The following DLG2 variants were observed in gnomAD, a reference collection of about 807,000 sequenced individuals.
The protein encoded by DLG2 is discs large MAGUK scaffold protein 2.
A neutral mutation model predicts 132.5 loss-of-function variants in DLG2; 45 were observed. The observed-to-expected ratio is 0.34, with a 90% confidence interval of 0.27 to 0.44. The LOEUF is 0.44. DLG2 is among the 20% of genes least tolerant of loss of function. DLG2 has a pLI of 1.00. For synonymous variants in DLG2, 424 were observed against 419.6 expected (o/e 1.01, Z -0.13); for missense variants, 1,045 against 1,196.9 (o/e 0.87, Z 1.87).
chr11:83,878,152 G>T (rs2154071307), intron 15 of DLG2, among the ~76,000 whole-genome samples: 1 of 152,118 alleles, frequency 6.6e-6, no homozygotes, highest in Non-Finnish European at 1.5e-5. Context: ...TAGCACCCAG[G>T]GCTATGAATC....
At chr11:83,573,689 T>C (rs1024429464) in intron 19 of DLG2, among the ~76,000 whole-genome samples, 1 of 152,176 alleles carries the variant, frequency 6.6e-6, no homozygotes, top group African/African-American at 2.4e-5. Flanking sequence ...TATTTTCATT[T>C]TAGCATCACC....
chr11:83,668,415 G>C (rs905494883), intron 18 of DLG2, among the ~76,000 whole-genome samples: 3 of 152,106 alleles, frequency 2.0e-5, no homozygotes, highest in Non-Finnish European at 4.4e-5. Flanking sequence ...CCATACTTTT[G>C]TATAGGCTGC....
At chr11:84,644,198 T>G (rs1358069707) in intron 6 of DLG2, among the ~76,000 whole-genome samples, 2 of 152,166 alleles carry the variant, frequency 1.3e-5, no homozygotes, top group Admixed American at 1.3e-4. Context: ...CATCTATGTA[T>G]TCTAAGCCTA....
intron 6 of DLG2, among the ~76,000 whole-genome samples, chr11:84,609,145 T>G (rs2099590916): frequency 6.6e-6 from 1 of 152,168 alleles, no homozygotes; most frequent in South Asian, 2.1e-4. Context: ...TTGGAGTGGT[T>G]TAGAATGCTG....
At chr11:83,528,299 A>G (rs2095656718) in intron 21 of DLG2, among the ~76,000 whole-genome samples, 2 of 152,184 alleles carry the variant, frequency 1.3e-5, no homozygotes, top group Non-Finnish European at 2.9e-5. Flanking sequence ...AGATTTCTTC[A>G]TGTATACTTT....
At chr11:84,138,754 G>A (rs777611604) in intron 9 of DLG2, among the ~76,000 whole-genome samples, 1 of 152,064 alleles carries the variant, frequency 6.6e-6, no homozygotes, top group Non-Finnish European at 1.5e-5. Context: ...TTCGAGATGA[G>A]CCTGGCCAAC....
intron 7 of DLG2, among the ~76,000 whole-genome samples, chr11:84,298,852 A>G (rs1344824947): frequency 1.3e-5 from 2 of 152,230 alleles, no homozygotes; most frequent in African/African-American, 4.8e-5. Context: ...AACAGTGAAT[A>G]GTTGGGTGTG....
At chr11:85,105,832 T>C (rs551106547) in intron 6 of DLG2, among the ~76,000 whole-genome samples, 1 of 152,018 alleles carries the variant, frequency 6.6e-6, no homozygotes, top group Admixed American at 6.6e-5. Context: ...GCTGCCTTCA[T>C]AGAAGCTCTG....
chr11:83,482,302 A>G (rs1489186303), intron 22 of DLG2, among the ~76,000 whole-genome samples: 2 of 152,142 alleles, frequency 1.3e-5, no homozygotes, highest in African/African-American at 2.4e-5. Flanking sequence ...AACAGCTTCT[A>G]AAAATATTGC....
intron 17 of DLG2, among the ~76,000 whole-genome samples, chr11:83,808,082 GC>G (rs1004409221): frequency 2.6e-5 from 4 of 152,062 alleles, no homozygotes; most frequent in Admixed American, 2.0e-4. Context: ...GCAGCCTCGT[GC>G]CGGTCATCAC....
intron 21 of DLG2, among the ~76,000 whole-genome samples, chr11:83,518,010 A>C (rs1415450730): frequency 6.6e-6 from 1 of 152,166 alleles, no homozygotes; most frequent in Non-Finnish European, 1.5e-5. Flanking sequence ...CTCAGATCTC[A>C]AGGTGCATGC....
intron 9 of DLG2, among the ~76,000 whole-genome samples, chr11:84,142,334 A>G (rs966006520): frequency 2.0e-5 from 3 of 151,850 alleles, no homozygotes; most frequent in African/African-American, 7.3e-5. Context: ...AAAAAAAAAA[A>G]AAAAGAAAAG....
At chr11:83,508,253 T>G (rs1040344428) in intron 21 of DLG2, among the ~76,000 whole-genome samples, 1 of 151,618 alleles carries the variant, frequency 6.6e-6, no homozygotes, top group Non-Finnish European at 1.5e-5. Flanking sequence ...ATCTTTTTTT[T>G]TTTTTTTGAG....
intron 6 of DLG2, among the ~76,000 whole-genome samples, chr11:84,675,972 C>G (rs1238775730): frequency 6.6e-6 from 1 of 151,914 alleles, no homozygotes; most frequent in Non-Finnish European, 1.5e-5. Context: ...TGGGTTTTTT[C>G]TCTATCCAGA....
chr11:83,921,300 C>T (rs1480588751), intron 15 of DLG2, among the ~76,000 whole-genome samples: 2 of 152,014 alleles, frequency 1.3e-5, no homozygotes, highest in Admixed American at 6.6e-5. Context: ...CGATTTTTGG[C>T]ACAGGGAATA....
Position 83,980,649 on chromosome 11 carries a change from G to A in DLG2, c.920-7C>T, listed in dbSNP as rs376840806. 3.8e-5 allele frequency: 60 copies of A among 1,559,870 alleles called. No individual in the cohort carries two copies. In the African/African-American group the frequency reaches 6.8e-4, roughly 18 times the overall value. On this transcript the variant is annotated splice_region_variant and splice_polypyrimidine_tract_variant and intron_variant, in intron 11 of 27. Transcript: ENST00000376104. ...GCAATACTGAAGCCTAAACCTATAAGAAAGGAACAGAAAATGGAAAGCCTT... is the reference window on the plus strand; with the variant it reads ...GCAATACTGAAGCCTAAACCTATAAAAAAGGAACAGAAAATGGAAAGCCTT...
intron 2 of DLG2, among the ~76,000 whole-genome samples, chr11:85,602,544 T>G (rs1479280093): frequency 6.6e-6 from 1 of 152,258 alleles, no homozygotes; most frequent in South Asian, 2.1e-4. Context: ...TCCCAAATCA[T>G]TTTTTGAATT....
intron 3 of DLG2, among the ~76,000 whole-genome samples, chr11:85,519,180 C>T (rs1394822363): frequency 4.6e-5 from 7 of 152,126 alleles, no homozygotes; most frequent in African/African-American, 1.2e-4. Flanking sequence ...TAGAAGAGGA[C>T]CACCATCCTC....
At chr11:85,182,327 C>T (rs148404461) in intron 4 of DLG2, among the ~76,000 whole-genome samples, 1 of 151,942 alleles carries the variant, frequency 6.6e-6, no homozygotes, top group African/African-American at 2.4e-5. Flanking sequence ...TACACTGAAA[C>T]ACACTTCTCT....
Sources: gnomAD v4.1 joint callset for allele counts (sites outside exome capture counted in the v4.1 genomes callset) on GRCh38, gnomAD v4.1.1 for gene constraint, MANE v1.5 for transcripts, NCBI Gene and HGNC (gene_info 2026-07-23, HGNC 2026-07-21) for gene names.